The following NAALADL2 variants were observed in gnomAD, a reference collection of about 807,000 sequenced individuals.
NAALADL2 encodes inactive N-acetylated-alpha-linked acidic dipeptidase-like protein 2.
In NAALADL2, 76 loss-of-function variants were observed where a neutral mutation model predicts 87.2. The ratio of observed to expected loss-of-function variants is 0.87; its 90% confidence interval spans 0.72 to 1.05. The LOEUF (loss-of-function observed/expected upper bound fraction) is 1.05. NAALADL2 is among the 50% of genes least tolerant of loss of function. The pLI is 0.00. For missense variants in NAALADL2, 1,089 were observed against 945.8 expected, an observed-to-expected ratio of 1.15 and a Z score of -1.99; for synonymous variants, 354 against 331.0, an observed-to-expected ratio of 1.07 and a Z score of -0.75.
chr3:175,404,809 C>A (rs953735443), intron 5 of NAALADL2, among the ~76,000 whole-genome samples: 7 of 152,144 alleles, frequency 4.6e-5, no homozygotes, highest in African/African-American at 1.7e-4. Context: ...CAGCACTTTA[C>A]TACTATCCAT....
At chr3:175,190,902 C>T (rs1027371103) in intron 2 of NAALADL2, among the ~76,000 whole-genome samples, 5 of 145,916 alleles carry the variant, frequency 3.4e-5, no homozygotes, top group Non-Finnish European at 4.5e-5. Flanking sequence ...GGCGTGAACC[C>T]GGGAGGCGGA....
At chr3:175,664,152 G>C (rs1004311805) in intron 11 of NAALADL2, among the ~76,000 whole-genome samples, 1 of 151,928 alleles carries the variant, frequency 6.6e-6, no homozygotes. Flanking sequence ...TCTCCTAAAC[G>C]CTCATGCTCA....
intron 1 of NAALADL2, among the ~76,000 whole-genome samples, chr3:174,987,827 T>TATATATATATATATATATATATAA (rs1222203525): frequency 4.6e-5 from 6 of 130,552 alleles, no homozygotes; most frequent in African/African-American, 1.5e-4. Context: ...TATATATATA[T>TATATATATATATATATATATATAA]AATGAGACCT....
chr3:175,629,178 TAC>T (rs975404665), intron 11 of NAALADL2, among the ~76,000 whole-genome samples: 3 of 148,190 alleles, frequency 2.0e-5, no homozygotes, highest in Admixed American at 6.8e-5. Flanking sequence ...TATACACACA[TAC>T]ACACATAAAA....
intron 2 of NAALADL2, among the ~76,000 whole-genome samples, chr3:174,582,201 G>A (rs2108562488): frequency 6.6e-6 from 1 of 152,254 alleles, no homozygotes; most frequent in Non-Finnish European, 1.5e-5. Context: ...AAATCTTGAA[G>A]GTTTTCGTGG....
intron 2 of NAALADL2, among the ~76,000 whole-genome samples, chr3:174,607,116 T>G (rs917406317): frequency 1.3e-5 from 2 of 152,032 alleles, no homozygotes; most frequent in African/African-American, 4.8e-5. Flanking sequence ...AAGCAAATGC[T>G]GAGAGATTTT....
chr3:175,119,715 ATAAT>A (rs1725838639), intron 2 of NAALADL2, among the ~76,000 whole-genome samples: 2 of 147,848 alleles, frequency 1.4e-5, no homozygotes, highest in Admixed American at 6.8e-5. Flanking sequence ...ATATAGATAT[ATAAT>A]GTAAAATAAG....
At chr3:175,410,514 C>T (rs1713306824) in intron 5 of NAALADL2, among the ~76,000 whole-genome samples, 1 of 152,100 alleles carries the variant, frequency 6.6e-6, no homozygotes, top group South Asian at 2.1e-4. Context: ...GGAGGACTTA[C>T]TCATGCCAGG....
At chr3:174,516,278 C>T (rs1719929600) in intron 1 of NAALADL2, among the ~76,000 whole-genome samples, 1 of 152,076 alleles carries the variant, frequency 6.6e-6, no homozygotes, top group Non-Finnish European at 1.5e-5. Context: ...TTAAAATCTT[C>T]GTTGTTCAGA....
rs1730952358 is a variant in NAALADL2 at position 174,714,115 on chromosome 3, ACG to A, written c.-114-23525_-114-23524del. Among the ~76,000 whole-genome samples, 3 of 152,136 alleles carry A rather than the reference ACG, an allele frequency of 2.0e-5. No homozygotes were observed. In the East Asian group the frequency reaches 5.8e-4, roughly 29 times the overall value. On this transcript the variant is annotated intron_variant, in intron 2 of 3. Transcript: ENST00000434257. The stretch of plus-strand genomic sequence containing the variant: ...TGTCAAAGATCAGATAGTTGTAGAT[ACG>A]TGGCATTATTTCTGAGGGCTCTATT...
At chr3:174,838,951 C>A (rs757973488) in intron 3 of NAALADL2, among the ~76,000 whole-genome samples, 1 of 152,026 alleles carries the variant, frequency 6.6e-6, no homozygotes, top group Non-Finnish European at 1.5e-5. Flanking sequence ...CAATGCTATG[C>A]CCATCAACAC....
chr3:175,024,062 C>T (rs531542894), intron 1 of NAALADL2, among the ~76,000 whole-genome samples: 2 of 151,990 alleles, frequency 1.3e-5, no homozygotes, highest in South Asian at 4.2e-4. Context: ...GTACATCCTT[C>T]TACCCTTTAG....
At chr3:175,365,414 G>A (rs1259915270) in intron 5 of NAALADL2, among the ~76,000 whole-genome samples, 4 of 147,366 alleles carry the variant, frequency 2.7e-5, no homozygotes, top group South Asian at 2.2e-4. Flanking sequence ...AAACTGATCC[G>A]AATTCACAGA....
At chr3:175,223,094 C>CTGTGTGTG (rs71626203) in intron 2 of NAALADL2, among the ~76,000 whole-genome samples, 4,704 of 147,542 alleles carry the variant, frequency 0.032, 105 homozygotes, top group Middle Eastern at 0.056. Flanking sequence ...CATAGTTACT[C>CTGTGTGTG]TGTGTGTGTG....
chr3:175,427,722 T>C (rs762045398), intron 5 of NAALADL2, among the ~76,000 whole-genome samples: 37 of 152,296 alleles, frequency 2.4e-4, no homozygotes, highest in Middle Eastern at 3.4e-3. Flanking sequence ...TGACACTTCA[T>C]TGGCCTTTTC....
At chr3:175,030,099 C>A (rs1431789560) in intron 1 of NAALADL2, among the ~76,000 whole-genome samples, 1 of 152,038 alleles carries the variant, frequency 6.6e-6, no homozygotes, top group African/African-American at 2.4e-5. Flanking sequence ...CATCTGACTG[C>A]CTTAGAAACT....
At chr3:174,600,780 C>T (rs1718373226) in intron 2 of NAALADL2, among the ~76,000 whole-genome samples, 1 of 151,982 alleles carries the variant, frequency 6.6e-6, no homozygotes, top group African/African-American at 2.4e-5. Flanking sequence ...ATGGGGGAGG[C>T]ACCAAACAAT....
At chr3:175,342,396 C>T (rs543670322) in intron 5 of NAALADL2, among the ~76,000 whole-genome samples, 39 of 151,974 alleles carry the variant, frequency 2.6e-4, no homozygotes, top group Non-Finnish European at 5.0e-4. Flanking sequence ...GCATCTGATC[C>T]TTAGGCAGCA....
chr3:174,879,452 C>T (rs185808061), intron 1 of NAALADL2, among the ~76,000 whole-genome samples: 13 of 152,102 alleles, frequency 8.5e-5, no homozygotes, highest in African/African-American at 2.9e-4. Context: ...CTGATTATGG[C>T]CTCAAAACAT....
Sources: allele counts gnomAD v4.1 joint callset (sites outside exome capture counted in the v4.1 genomes callset), GRCh38; gene constraint gnomAD v4.1.1; transcripts MANE v1.5; gene names NCBI Gene and HGNC (gene_info 2026-07-23, HGNC 2026-07-21).